Variants in PAK1 observed in about 807,000 individuals in gnomAD.
PAK1 encodes serine/threonine-protein kinase PAK 1.
PAK1 carries 29 observed loss-of-function variants against 67.4 expected under a neutral mutation model. The observed-to-expected ratio is 0.43, with a 90% confidence interval of 0.32 to 0.59. PAK1 has a LOEUF of 0.59. PAK1 is among the 20% of genes least tolerant of loss of function. The pLI, the probability that PAK1 is intolerant of heterozygous loss-of-function variation, is 0.07. For missense variants in PAK1, 337 were observed against 670.7 expected (o/e 0.50, Z 5.50); for synonymous variants, 223 against 237.4 (o/e 0.94, Z 0.56).
chr11:77,335,121 G>A (rs1212646234), intron 13 of PAK1, among the ~76,000 whole-genome samples: 1 of 152,090 alleles, frequency 6.6e-6, no homozygotes, highest in Non-Finnish European at 1.5e-5. Context: ...GCCACTCCTT[G>A]GTCTACTTTG....
chr11:77,327,065 G>C (rs955819587), intron 14 of PAK1, among the ~76,000 whole-genome samples: 7 of 152,138 alleles, frequency 4.6e-5, no homozygotes, highest in South Asian at 2.1e-4. Flanking sequence ...GAAATGAAGC[G>C]AGAAGAGAAG....
intron 1 of PAK1, among the ~76,000 whole-genome samples, chr11:77,408,733 A>G (rs1954036781): frequency 6.6e-6 from 1 of 152,224 alleles, no homozygotes; most frequent in South Asian, 2.1e-4. Context: ...TAAGCTATCC[A>G]TCTGACAAAG....
intron 1 of PAK1, among the ~76,000 whole-genome samples, chr11:77,394,715 C>T (rs556411558): frequency 1.6e-4 from 25 of 152,126 alleles, no homozygotes; most frequent in African/African-American, 4.6e-4. Context: ...CATGGTGGCG[C>T]GCGCCTGTAG....
chr11:77,381,707 C>A (rs559955415), intron 2 of PAK1, among the ~76,000 whole-genome samples: 23 of 152,322 alleles, frequency 1.5e-4, no homozygotes, highest in African/African-American at 5.3e-4. Context: ...ATAAATACTA[C>A]TACTGTCATT....
chr11:77,327,593 T>C (rs1204913384), intron 14 of PAK1, among the ~76,000 whole-genome samples: 1 of 152,128 alleles, frequency 6.6e-6, no homozygotes, highest in Non-Finnish European at 1.5e-5. Flanking sequence ...CTGAGAGATT[T>C]TGTCACCACC....
At chr11:77,418,331 T>G (rs1214831818) in intron 1 of PAK1, among the ~76,000 whole-genome samples, 1 of 152,250 alleles carries the variant, frequency 6.6e-6, no homozygotes, top group Non-Finnish European at 1.5e-5. Flanking sequence ...GAGTCCTGTT[T>G]GCAATGATCC....
At chr11:77,425,032 G>C (rs960933145) in intron 1 of PAK1, among the ~76,000 whole-genome samples, 31 of 152,066 alleles carry the variant, frequency 2.0e-4, no homozygotes, top group African/African-American at 7.2e-4. Flanking sequence ...ATTTCTCTTT[G>C]TCTTGTCCTG....
At chr11:77,422,093 A>G (rs1022225365) in intron 1 of PAK1, among the ~76,000 whole-genome samples, 3 of 152,182 alleles carry the variant, frequency 2.0e-5, no homozygotes, top group African/African-American at 7.2e-5. Flanking sequence ...CAATTTACTG[A>G]AAGTATTTGA....
chr11:77,410,381 G>T (rs1425593163), intron 1 of PAK1, among the ~76,000 whole-genome samples: 1 of 152,104 alleles, frequency 6.6e-6, no homozygotes, highest in Non-Finnish European at 1.5e-5. Context: ...GCAGGCCCAA[G>T]GCAAGGCACA....
the PAK1 span, among the ~76,000 whole-genome samples, chr11:77,500,156 G>C: frequency 6.6e-6 from 1 of 152,166 alleles, no homozygotes; most frequent in Non-Finnish European, 1.5e-5. Context: ...ATTCAACTGA[G>C]AGCCCTCCTG....
At chr11:77,425,412 G>A (rs898541911) in intron 1 of PAK1, among the ~76,000 whole-genome samples, 1 of 152,096 alleles carries the variant, frequency 6.6e-6, no homozygotes, top group Admixed American at 6.6e-5. Flanking sequence ...ATTGACAGTT[G>A]TAAAAAGCTG....
chr11:77,353,643 A>G (rs1320103019), intron 7 of PAK1, 44 bp from the exon 8 acceptor site: 1 of 1,500,514 alleles, frequency 6.7e-7, no homozygotes. Flanking sequence ...TCCCAAATCA[A>G]GATACAAAAA....
chr11:77,351,512 C>T (rs1945241697), intron 8 of PAK1, among the ~76,000 whole-genome samples: 1 of 151,976 alleles, frequency 6.6e-6, no homozygotes, highest in South Asian at 2.1e-4. Context: ...CTGAGGTAAG[C>T]AAAATAATTT....
At chr11:77,486,531 T>C in the PAK1 span, among the ~76,000 whole-genome samples, 8 of 152,142 alleles carry the variant, frequency 5.3e-5, no homozygotes, top group Non-Finnish European at 8.8e-5. Flanking sequence ...AAAGAGCACA[T>C]AAAAGGGTAG....
intron 14 of PAK1, among the ~76,000 whole-genome samples, chr11:77,332,112 C>T (rs1238847676): frequency 4.6e-5 from 7 of 151,122 alleles, no homozygotes; most frequent in Non-Finnish European, 1.0e-4. Context: ...AGACCATGCA[C>T]GGCCAACATA....
intron 5 of PAK1, among the ~76,000 whole-genome samples, chr11:77,368,664 A>G (rs1283113673): frequency 1.4e-5 from 2 of 142,512 alleles, no homozygotes; most frequent in Non-Finnish European, 3.2e-5. Flanking sequence ...TTTTTTATTT[A>G]TTTTTTTTTT....
At chr11:77,439,786 A>T (rs1018239032) in intron 1 of PAK1, among the ~76,000 whole-genome samples, 9 of 151,886 alleles carry the variant, frequency 5.9e-5, no homozygotes, top group Admixed American at 2.6e-4. Flanking sequence ...TGTCAAGGAA[A>T]TTTAAATTGT....
chr11:77,454,611 T>G (rs1957004011), intron 1 of PAK1, among the ~76,000 whole-genome samples: 1 of 152,172 alleles, frequency 6.6e-6, no homozygotes, highest in Admixed American at 6.6e-5. Flanking sequence ...CTGGCGGGCT[T>G]GTTAAAACAC....
intron 2 of PAK1, among the ~76,000 whole-genome samples, chr11:77,390,565 C>T (rs567632152): frequency 6.6e-6 from 1 of 151,644 alleles, no homozygotes; most frequent in East Asian, 2.0e-4. Flanking sequence ...GGCATGATCA[C>T]AGCTCACTGC....
Sources: allele counts gnomAD v4.1 joint callset (sites outside exome capture counted in the v4.1 genomes callset), GRCh38; gene constraint gnomAD v4.1.1; transcripts MANE v1.5; gene names NCBI Gene and HGNC (gene_info 2026-07-23, HGNC 2026-07-21).